The following HOMER1 variants were observed in gnomAD, a reference collection of about 807,000 sequenced individuals.
HOMER1 encodes the protein homer protein homolog 1.
Under a neutral mutation model 48.9 loss-of-function variants are expected in HOMER1, and 3 were observed. The ratio of observed to expected loss-of-function variants is 0.06; its 90% CI spans 0.03 to 0.16. The LOEUF is 0.16. Among genes scored for constraint, HOMER1 ranks in the 10% least tolerant of loss-of-function variants. HOMER1 has a pLI of 1.00. For synonymous variants in HOMER1, 134 were observed against 146.4 expected (o/e 0.92, Z 0.61); for missense variants, 247 against 411.4 (o/e 0.60, Z 3.46).
At chr5:79,412,503 C>G (rs921103176) in intron 5 of HOMER1, among the ~76,000 whole-genome samples, 1 of 152,176 alleles carries the variant, frequency 6.6e-6, no homozygotes, top group African/African-American at 2.4e-5. Flanking sequence ...TATTCCATTA[C>G]CCAAGTCTCA....
intron 1 of HOMER1, among the ~76,000 whole-genome samples, chr5:79,481,537 A>C (rs193204814): frequency 2.2e-4 from 33 of 152,322 alleles, no homozygotes; most frequent in African/African-American, 7.5e-4. Flanking sequence ...ATTAAAGAGG[A>C]GGGAGCTGAA....
At chr5:79,502,738 G>C (rs1273518430) in intron 1 of HOMER1, among the ~76,000 whole-genome samples, 1 of 152,128 alleles carries the variant, frequency 6.6e-6, no homozygotes, top group Non-Finnish European at 1.5e-5. Flanking sequence ...GTTAACCCTT[G>C]AACAATTTGT....
chr5:79,499,508 G>T (rs1259148344), intron 1 of HOMER1, among the ~76,000 whole-genome samples: 1 of 44,306 alleles, frequency 2.3e-5, no homozygotes, highest in Non-Finnish European at 4.2e-5. Flanking sequence ...TTGGGGATTT[G>T]CTGTAATTTG....
chr5:79,509,461 C>T (rs976259589), intron 1 of HOMER1, among the ~76,000 whole-genome samples: 6 of 149,700 alleles, frequency 4.0e-5, no homozygotes, highest in Non-Finnish European at 8.9e-5. Context: ...TAGCTACTGA[C>T]TCACTGCTGT....
intron 1 of HOMER1, among the ~76,000 whole-genome samples, chr5:79,486,815 A>G (rs762338412): frequency 6.6e-6 from 1 of 152,252 alleles, no homozygotes; most frequent in Non-Finnish European, 1.5e-5. Flanking sequence ...TCAGTTTACA[A>G]GCAATGGAAC....
intron 1 of HOMER1, among the ~76,000 whole-genome samples, chr5:79,498,665 G>C (rs941084715): frequency 2.0e-5 from 3 of 152,260 alleles, no homozygotes; most frequent in Non-Finnish European, 4.4e-5. Context: ...GGCAGCATAA[G>C]AGTTTGAAAG....
chr5:79,378,748 C>T (rs569679777), intron 8 of HOMER1, among the ~76,000 whole-genome samples: 1 of 152,116 alleles, frequency 6.6e-6, no homozygotes, highest in African/African-American at 2.4e-5. Flanking sequence ...CTCTAAAGCC[C>T]TCCCAAAAAT....
chr5:79,389,552 G>C (rs537085268), intron 8 of HOMER1, among the ~76,000 whole-genome samples: 1 of 152,272 alleles, frequency 6.6e-6, no homozygotes, highest in South Asian at 2.1e-4. Context: ...CCTTATAAAA[G>C]AGGTTTCCCC....
At chr5:79,509,909 C>G (rs188457639) in intron 1 of HOMER1, among the ~76,000 whole-genome samples, 386 of 152,282 alleles carry the variant, frequency 2.5e-3, no homozygotes, top group Admixed American at 6.2e-3. Context: ...ATGTGAAACA[C>G]TTTACCCACA....
At chr5:79,378,091 G>C (rs900567436) in intron 8 of HOMER1, among the ~76,000 whole-genome samples, 3 of 151,936 alleles carry the variant, frequency 2.0e-5, no homozygotes, top group Non-Finnish European at 2.9e-5. Context: ...GTGGTGGCAG[G>C]CACCTGTAAT....
intron 5 of HOMER1, among the ~76,000 whole-genome samples, chr5:79,428,456 A>G (rs1039165385): frequency 6.6e-6 from 1 of 151,924 alleles, no homozygotes; most frequent in South Asian, 2.1e-4. Context: ...CAATGAGTTT[A>G]AAAAAAAGAA....
intron 1 of HOMER1, among the ~76,000 whole-genome samples, chr5:79,477,046 G>A (rs1054064211): frequency 4.6e-5 from 7 of 152,152 alleles, no homozygotes; most frequent in South Asian, 2.1e-4. Flanking sequence ...AAAACAGGTC[G>A]GAGAGAAATT....
intron 1 of HOMER1, among the ~76,000 whole-genome samples, chr5:79,499,551 T>C (rs981228280): frequency 1.3e-5 from 2 of 151,902 alleles, no homozygotes; most frequent in Non-Finnish European, 2.9e-5. Flanking sequence ...CTTAGAAGTA[T>C]TGAAAAAAAT....
chr5:79,436,359 A>G (rs1384053651), intron 5 of HOMER1, among the ~76,000 whole-genome samples: 1 of 152,126 alleles, frequency 6.6e-6, no homozygotes, highest in Non-Finnish European at 1.5e-5. Context: ...TGACACAACA[A>G]TGTGCTTGTG....
At position 79,379,010 on chromosome 5, in the gene HOMER1, T is replaced by C. The variant is rs557791306; in HGVS notation, c.877-2813A>G. Among the ~76,000 whole-genome samples the C allele has an allele frequency of 2.9e-3, 398 of 137,202 alleles. 2 individuals are homozygous for C. Among genetic ancestry groups the C allele is most frequent in the African/African-American group, 0.01 (373 of 36,896 alleles). The allele number at this position is 137,202 out of a possible 152,430, so 90.0% of individuals were successfully genotyped here. On this transcript the variant is annotated intron_variant, in intron 8 of 8. Coordinates refer to ENST00000334082, the MANE Select transcript of HOMER1 (RefSeq NM_004272.5). Reference sequence around the variant, plus strand: ...GTTCCTAGAGCAAGAATAGACAACTTAGAGCACAGGGGCCAAGAGGTAACA... The same window carrying C: ...GTTCCTAGAGCAAGAATAGACAACTCAGAGCACAGGGGCCAAGAGGTAACA...
At position 79,440,954 on chromosome 5, in the gene HOMER1, T is replaced by A. The variant is rs1750720129; in HGVS notation, c.388-1805A>T. The stretch of plus-strand genomic sequence containing the variant: ...AGGCGGATCACCTGAGGTCAGGAGT[T>A]CAAGACCAGCCTGGCTGACATGATG... On this transcript the variant is annotated intron_variant, in intron 4 of 8. Transcript: ENST00000334082. 1.3e-5 allele frequency among the ~76,000 whole-genome samples: 2 copies of A among 152,070 alleles called. 1 individual carries two copies. Among genetic ancestry groups the A allele is most frequent in the South Asian group, 4.2e-4 (2 of 4,818 alleles).
At chr5:79,386,428 T>C (rs1366414378) in intron 8 of HOMER1, among the ~76,000 whole-genome samples, 1 of 152,082 alleles carries the variant, frequency 6.6e-6, no homozygotes, top group Non-Finnish European at 1.5e-5. Context: ...CTCATGGACA[T>C]AGAGTGTAGA....
intron 5 of HOMER1, among the ~76,000 whole-genome samples, chr5:79,429,451 T>G (rs1221495007): frequency 6.6e-6 from 1 of 152,168 alleles, no homozygotes; most frequent in East Asian, 1.9e-4. Flanking sequence ...TAAACCCTCA[T>G]ATTTACCATC....
chr5:79,436,297 C>T lies in HOMER1; in HGVS notation c.527+2713G>A, dbSNP rs200011586. On this transcript the variant is annotated intron_variant, in intron 5 of 8. Coordinates refer to ENST00000334082, the MANE Select transcript of HOMER1 (RefSeq NM_004272.5). ...ATAATCTGTTTCTAATCATGAAACACGGATCTTATTTCCATATAGGTCTCC... is the reference window on the plus strand; with the variant it reads ...ATAATCTGTTTCTAATCATGAAACATGGATCTTATTTCCATATAGGTCTCC... Among the ~76,000 whole-genome samples the T allele has an allele frequency of 2.6e-5, 4 of 152,134 alleles. No individual in the cohort carries two copies. The East Asian group carries it at 7.7e-4, about 29-fold the overall frequency.
Sources: gnomAD v4.1 joint callset for allele counts (sites outside exome capture counted in the v4.1 genomes callset) on GRCh38, gnomAD v4.1.1 for gene constraint, MANE v1.5 for transcripts, NCBI Gene and HGNC (gene_info 2026-07-23, HGNC 2026-07-21) for gene names.